The following TMOD1 variants were observed in gnomAD, a reference collection of about 807,000 sequenced individuals.
TMOD1 encodes the protein tropomodulin-1.
In TMOD1, 17 loss-of-function variants were observed where a neutral mutation model predicts 40.6. That is an observed-to-expected ratio of 0.42 (90% confidence interval 0.29 to 0.63). The LOEUF (loss-of-function observed/expected upper bound fraction) is 0.63. Among genes scored for constraint, TMOD1 ranks in the 20% least tolerant of loss-of-function variants. TMOD1 has a pLI of 0.22. For synonymous variants in TMOD1, 181 were observed against 175.0 expected (o/e 1.03, Z -0.27); for missense variants, 391 against 447.6 (o/e 0.87, Z 1.14).
At chr9:97,517,222 C>T (rs1224022015) in intron 1 of TMOD1, among the ~76,000 whole-genome samples, 3 of 151,954 alleles carry the variant, frequency 2.0e-5, no homozygotes, top group Non-Finnish European at 2.9e-5. Flanking sequence ...TGGTGATGCA[C>T]CCCTGTAGTC....
At chr9:97,555,907 G>A (rs1830529948) in intron 4 of TMOD1, among the ~76,000 whole-genome samples, 1 of 152,210 alleles carries the variant, frequency 6.6e-6, no homozygotes, top group African/African-American at 2.4e-5. Context: ...CCTGAGTGAA[G>A]CCCTCCAGGG....
At chr9:97,570,929 C>T (rs1394346217) in intron 8 of TMOD1, among the ~76,000 whole-genome samples, 1 of 152,242 alleles carries the variant, frequency 6.6e-6, no homozygotes, top group Non-Finnish European at 1.5e-5. Context: ...GTGTCACGTG[C>T]ATTTCCTGCA....
chr9:97,508,852 G>A (rs1829645815), intron 1 of TMOD1, among the ~76,000 whole-genome samples: 2 of 152,124 alleles, frequency 1.3e-5, no homozygotes, highest in South Asian at 4.1e-4. Flanking sequence ...ACTGGATTAG[G>A]GTACGTCCTA....
At chr9:97,552,804 C>A (rs1830473928) in intron 3 of TMOD1, among the ~76,000 whole-genome samples, 1 of 152,142 alleles carries the variant, frequency 6.6e-6, no homozygotes, top group Non-Finnish European at 1.5e-5. Context: ...CTCTTTACTC[C>A]CCTTATTCCG....
At chr9:97,559,813 A>G (rs759895228) in intron 4 of TMOD1, among the ~76,000 whole-genome samples, 11 of 61,078 alleles carry the variant, frequency 1.8e-4, no homozygotes, top group African/African-American at 7.0e-4. Flanking sequence ...ATATATATAT[A>G]TATATATATA....
At chr9:97,526,796 A>G (rs531562490) in intron 2 of TMOD1, among the ~76,000 whole-genome samples, 2 of 152,264 alleles carry the variant, frequency 1.3e-5, no homozygotes, top group Admixed American at 1.3e-4. Flanking sequence ...CTAGACCTCA[A>G]TGTCCCCAGC....
chr9:97,562,840 C>T lies in TMOD1; in HGVS notation c.487+19C>T, dbSNP rs758864829. On this transcript the variant is annotated intron_variant, in intron 5 of 9. Coordinates refer to ENST00000259365, the MANE Select transcript of TMOD1 (RefSeq NM_003275.4). Reference sequence around the variant, plus strand: ...CTCAACAGTGAGTATGCGCCCGCCCCCAGGAGGGACCTCATGCTTCTTGCT... The same window carrying T: ...CTCAACAGTGAGTATGCGCCCGCCCTCAGGAGGGACCTCATGCTTCTTGCT... 20 of 1,561,836 alleles carry T rather than the reference C, an allele frequency of 1.3e-5. No individual in the cohort carries two copies. The African/African-American group carries it at 2.4e-4, about 19-fold the overall frequency.
chr9:97,526,838 AG>A (rs1208203646), intron 2 of TMOD1, among the ~76,000 whole-genome samples: 1 of 152,212 alleles, frequency 6.6e-6, no homozygotes, highest in Non-Finnish European at 1.5e-5. Context: ...GGTCATTTTC[AG>A]GGTTAAGCTA....
At chr9:97,570,905 A>G (rs995436178) in intron 8 of TMOD1, among the ~76,000 whole-genome samples, 3 of 152,214 alleles carry the variant, frequency 2.0e-5, no homozygotes, top group Non-Finnish European at 4.4e-5. Context: ...CAGTCACATG[A>G]GCTGGCAGCA....
At chr9:97,566,651 A>G (rs1366135453) in intron 7 of TMOD1, among the ~76,000 whole-genome samples, 1 of 152,162 alleles carries the variant, frequency 6.6e-6, no homozygotes, top group African/African-American at 2.4e-5. Flanking sequence ...AGCTTGGGCG[A>G]CAGAGCGAGG....
intron 2 of TMOD1, among the ~76,000 whole-genome samples, chr9:97,529,088 G>A (rs1360195496): frequency 2.0e-5 from 3 of 152,214 alleles, no homozygotes; most frequent in Non-Finnish European, 2.9e-5. Flanking sequence ...AGTCCACGAC[G>A]TAGCCATGCC....
At chr9:97,598,945 CACT>C (rs1445288366) in intron 9 of TMOD1, among the ~76,000 whole-genome samples, 1 of 152,182 alleles carries the variant, frequency 6.6e-6, no homozygotes, top group Non-Finnish European at 1.5e-5. Context: ...TATCTGCAGA[CACT>C]ACAATTAATT....
chr9:97,507,518 C>T (rs569759813), intron 1 of TMOD1, among the ~76,000 whole-genome samples: 20 of 152,268 alleles, frequency 1.3e-4, no homozygotes, highest in Non-Finnish European at 2.4e-4. Flanking sequence ...ATTAAGATCA[C>T]GAAACTCCTG....
intron 4 of TMOD1, among the ~76,000 whole-genome samples, chr9:97,555,046 T>C (rs1382935758): frequency 6.6e-6 from 1 of 152,192 alleles, no homozygotes; most frequent in East Asian, 1.9e-4. Flanking sequence ...TTGAAGGGTA[T>C]TGGGACTGAG....
At chr9:97,552,269 T>A (rs1830466571) in intron 3 of TMOD1, among the ~76,000 whole-genome samples, 1 of 152,176 alleles carries the variant, frequency 6.6e-6, no homozygotes, top group African/African-American at 2.4e-5. Context: ...TCTTAGGGGA[T>A]CATTTCCTCA....
intron 1 of TMOD1, among the ~76,000 whole-genome samples, chr9:97,508,018 G>C (rs1829617737): frequency 6.7e-6 from 1 of 149,378 alleles, no homozygotes; most frequent in South Asian, 2.1e-4. Flanking sequence ...GCCTTAAATA[G>C]CAATTGACAC....
At position 97,546,312 on chromosome 9, in the gene TMOD1, A is replaced by C. The variant is rs754671602; in HGVS notation, c.248A>C (p.Asp83Ala). 2.5e-6 allele frequency: 4 copies of C among 1,613,992 alleles called. No individual in the cohort carries two copies. In the South Asian group the frequency reaches 4.4e-5, roughly 18 times the overall value. Residue 83 changes from aspartate (D) to alanine (A), a missense_variant, in exon 3 of 10, where the codon GAT becomes GCT. Coordinates refer to ENST00000259365, the MANE Select transcript of TMOD1 (RefSeq NM_003275.4). ...KQAKEFKDRE[D>A]LVPYTGEKRG... ...GCAAAGGAGTTTAAGGACCGAGAAG[A>C]TCTGGTCCCCTACACAGGGGAAAAA...
At chr9:97,524,676 A>G (rs561904741) in intron 2 of TMOD1, among the ~76,000 whole-genome samples, 1 of 152,276 alleles carries the variant, frequency 6.6e-6, no homozygotes, top group Non-Finnish European at 1.5e-5. Flanking sequence ...AATACAAATA[A>G]CCAGCAGGCC....
At chr9:97,549,538 G>A (rs1461652643) in intron 3 of TMOD1, among the ~76,000 whole-genome samples, 1 of 152,126 alleles carries the variant, frequency 6.6e-6, no homozygotes, top group Non-Finnish European at 1.5e-5. Context: ...TATTTTCCTT[G>A]TGTGTTTTCC....
Sources: allele counts gnomAD v4.1 joint callset (sites outside exome capture counted in the v4.1 genomes callset), GRCh38; gene constraint gnomAD v4.1.1; transcripts MANE v1.5; gene names NCBI Gene and HGNC (gene_info 2026-07-23, HGNC 2026-07-21).